The following LAMA1 variants were observed in gnomAD, a reference collection of about 807,000 sequenced individuals.
The protein encoded by LAMA1 is laminin subunit alpha 1, also known as laminin subunit alpha-1.
A neutral mutation model predicts 348.7 loss-of-function variants in LAMA1; 219 were observed. That is an observed-to-expected ratio of 0.63 (90% CI 0.56 to 0.70). The LOEUF (loss-of-function observed/expected upper bound fraction) is 0.70, where lower values mean the gene tolerates loss of function less well. Ranked by LOEUF, LAMA1 falls within the 30% of genes least tolerant of loss-of-function variation. LAMA1 has a pLI of 0.00. For synonymous variants in LAMA1, 1,487 were observed against 1,491.0 expected (o/e 1.00, Z 0.06); for missense variants, 3,744 against 3,888.0 (o/e 0.96, Z 0.99).
rs115392667 is a variant in LAMA1 at position 6,993,502 on chromosome 18, G to C, written c.5008+139C>G. 1,268 of 735,260 alleles carry C rather than the reference G, an allele frequency of 1.7e-3. 15 individuals carry two copies. In the African/African-American group the frequency reaches 0.019, roughly 11 times the overall value. The allele number at this position is 735,260 out of a possible 1,614,324, so 45.5% of individuals were successfully genotyped here. A position where few individuals can be genotyped will look rare whatever the true frequency, so the allele number is the denominator to read the frequency against. The stretch of plus-strand genomic sequence containing the variant: ...AAAGACTAAAGTTTGCACATCTCAG[G>C]ATCCCCAAACTATTCCAGCCCCTCT... On this transcript the variant is annotated intron_variant, in intron 35 of 62. Transcript: ENST00000389658.
rs538468518 is a variant in LAMA1, at chr18:6,962,193, A to G, written c.7338-134T>C. 2.5e-5 allele frequency: 18 copies of G among 716,522 alleles called. No individual in the cohort carries two copies. The East Asian group carries it at 3.9e-4, about 16-fold the overall frequency. The allele number at this position is 716,522 out of a possible 1,614,324, so 44.4% of individuals were successfully genotyped here. A position where few individuals can be genotyped will look rare whatever the true frequency, so the allele number is the denominator to read the frequency against. ...TCCCAGCACTTTGGAAGGCTGAGGTAGAAGGATTACCTAAGCCCACGAGTT... is the reference window on the plus strand; with the variant it reads ...TCCCAGCACTTTGGAAGGCTGAGGTGGAAGGATTACCTAAGCCCACGAGTT... On this transcript the variant is annotated intron_variant, in intron 51 of 62. Transcript: ENST00000389658.
intron 1 of LAMA1, among the ~76,000 whole-genome samples, chr18:7,089,262 C>A (rs939899677): frequency 2.6e-5 from 4 of 152,192 alleles, no homozygotes; most frequent in Middle Eastern, 6.8e-3. Context: ...ACCTGTAGTC[C>A]CACCTAATCG....
chr18:7,018,878 G>A (rs1364381411), intron 19 of LAMA1, among the ~76,000 whole-genome samples: 1 of 152,170 alleles, frequency 6.6e-6, no homozygotes, highest in Non-Finnish European at 1.5e-5. Context: ...GAGGAAACGT[G>A]CTGGGATCCG....
chr18:6,956,638 G>A lies in LAMA1; in HGVS notation c.8092C>T (p.Pro2698Ser). 6.2e-7 allele frequency: 1 copy of A among 1,614,048 alleles called. No homozygotes were observed. Among genetic ancestry groups the A allele is most frequent in the Non-Finnish European group, 8.5e-7 (1 of 1,180,022 alleles). The change falls in exon 56 of 63, where the codon CCA becomes TCA. Residue 2698 changes from proline (P) to serine (S), a missense_variant and splice_region_variant. Pro to Ser is a moderately conservative substitution (Grantham distance 74). This residue lies in a region of LAMA1 where 1,983 missense variants were observed against 1,934.3 expected (regional missense o/e 1.03). Transcript: ENST00000389658. ...SKLLPEPRAF[P>S]EQCVVDAALE... ...ATAGTAAAGGAAGCCGCTCCTACTG[G>A]AAAAGCCCGGGGCTCTGGCAAGAGC...
At chr18:6,998,428 T>C (rs1180044027) in intron 32 of LAMA1, among the ~76,000 whole-genome samples, 1 of 152,182 alleles carries the variant, frequency 6.6e-6, no homozygotes, top group Non-Finnish European at 1.5e-5. Context: ...CCCATCTTTA[T>C]GCTGCCTGGC....
rs1042493103 is a variant in LAMA1 at position 7,012,123 on chromosome 18, G to A, written c.3379C>T (p.Pro1127Ser). 9 of 1,613,920 alleles carry A rather than the reference G, an allele frequency of 5.6e-6. No homozygotes were observed. The highest frequency in any genetic ancestry group is 6.8e-6 in the Non-Finnish European group (8 of 1,179,940). Residue 1127 changes from proline (P) to serine (S), a missense_variant, in exon 24 of 63, where the codon CCT becomes TCT. By Grantham distance (74) the Pro-to-Ser change is moderately conservative (BLOSUM62 -1). This residue lies in a region of LAMA1 where 1,529 missense variants were observed against 1,689.4 expected (regional missense o/e 0.91). Coordinates refer to ENST00000389658, the MANE Select transcript of LAMA1 (RefSeq NM_005559.4). ...ACPCKENVFG[P>S]QCNECREGTF... ...CCCTCTCGACATTCGTTGCACTGAG[G>A]ACCAAAGACATTTTCCTACAGGGGA... is the stretch of plus-strand genomic sequence containing the variant.
chr18:6,967,664 T>A (rs942029248), intron 48 of LAMA1, among the ~76,000 whole-genome samples: 1 of 152,224 alleles, frequency 6.6e-6, no homozygotes, highest in African/African-American at 2.4e-5. Context: ...TTTCTGCCTA[T>A]GAAAAGCTGA....
chr18:7,013,470 A>G (rs1426442013), intron 23 of LAMA1, among the ~76,000 whole-genome samples: 2 of 152,304 alleles, frequency 1.3e-5, no homozygotes, highest in East Asian at 1.9e-4. Flanking sequence ...CGGGAGCCCA[A>G]TAACCTCACA....
Position 6,985,287 on chromosome 18 carries a change from T to A in LAMA1, c.5610A>T (p.Arg1870Ser). The change falls in exon 39 of 63, where the codon AGA (arginine) becomes AGT (serine). Residue 1870 changes from arginine (R) to serine (S), a missense_variant. Arg to Ser is a moderately radical substitution (Grantham distance 110, BLOSUM62 -1). Around this residue, in one of 3 missense-constraint regions of LAMA1, gnomAD observed 1,983 missense variants for 1,934.3 expected, o/e 1.03. Transcript: ENST00000389658. Reference protein sequence around the residue: ...SQRNAVDLVYRAEDHAAEFQR... With the variant: ...SQRNAVDLVYSAEDHAAEFQR... Reference sequence around the variant, plus strand: ...GGAACTCAGCGGCATGGTCCTCAGCTCTGTAGACCAGGTCGACTGCGTTCC... The same window carrying A: ...GGAACTCAGCGGCATGGTCCTCAGCACTGTAGACCAGGTCGACTGCGTTCC... The A allele has an allele frequency of 6.2e-7, 1 of 1,614,178 alleles. No homozygotes were observed. Among genetic ancestry groups the A allele is most frequent in the Non-Finnish European group, 8.5e-7 (1 of 1,180,030 alleles).
intron 16 of LAMA1, 70 bp downstream of exon 16, chr18:7,031,996 A>AT: frequency 7.6e-7 from 1 of 1,321,454 alleles, no homozygotes; most frequent in Non-Finnish European, 1.1e-6. Flanking sequence ...TTAAAAAAAA[A>AT]TCACTTGTAC....
At chr18:7,045,228 G>A (rs2058037193) in intron 6 of LAMA1, among the ~76,000 whole-genome samples, 1 of 152,156 alleles carries the variant, frequency 6.6e-6, no homozygotes, top group African/African-American at 2.4e-5. Flanking sequence ...AAGAAAATAA[G>A]AAGTAACTTC....
chr18:7,078,243 T>C lies in LAMA1; in HGVS notation c.345+1732A>G, dbSNP rs1433747069. ...GTGCAGTGGTGTGATCTCGGCTCAC[T>C]GCAACCTCTGCCTCCTGGGTTCACG... On this transcript the variant is annotated intron_variant, in intron 3 of 62. Coordinates refer to ENST00000389658, the MANE Select transcript of LAMA1 (RefSeq NM_005559.4). 1.6e-4 allele frequency among the ~76,000 whole-genome samples: 24 copies of C among 150,012 alleles called. No individual in the cohort carries two copies. In the East Asian group the frequency reaches 3.1e-3, roughly 19 times the overall value.
intron 58 of LAMA1, 144 bp downstream of exon 58, chr18:6,950,638 C>T (rs1600341404): frequency 1.1e-6 from 1 of 942,442 alleles, no homozygotes; most frequent in Non-Finnish European, 1.7e-6. Flanking sequence ...GCCTTCAAGA[C>T]TTGTAGTCTC....
At chr18:6,997,113 G>A in intron 33 of LAMA1, among the ~76,000 whole-genome samples, 1 of 152,040 alleles carries the variant, frequency 6.6e-6, no homozygotes, top group East Asian at 1.9e-4. Flanking sequence ...CGCCAGGCTG[G>A]AGTGCAGTGG....
At position 7,023,516 on chromosome 18, in the gene LAMA1, A is replaced by T. The variant is rs112866769; in HGVS notation, c.2490-141T>A. The T allele has an allele frequency of 3.7e-3, 2,755 of 748,820 alleles. 47 individuals are homozygous for T. The African/African-American group carries it at 0.039, about 11-fold the overall frequency. The allele number at this position is 748,820 out of a possible 1,614,324, so 46.4% of individuals were successfully genotyped here. On this transcript the variant is annotated intron_variant, in intron 18 of 62. Transcript: ENST00000389658. The stretch of plus-strand genomic sequence containing the variant: ...TACTGTGAAAGGGATATGACTCCCC[A>T]CTCGGGCATTCCCAGATCTCCTTCA...
intron 16 of LAMA1, among the ~76,000 whole-genome samples, chr18:7,027,544 AC>A (rs1422715930): frequency 3.4e-5 from 5 of 146,052 alleles, no homozygotes; most frequent in African/African-American, 1.4e-4. Context: ...AACAACAACA[AC>A]AACAAAAAAA....
At chr18:7,051,833 A>G (rs956262542) in intron 3 of LAMA1, among the ~76,000 whole-genome samples, 2 of 152,202 alleles carry the variant, frequency 1.3e-5, no homozygotes, top group African/African-American at 2.4e-5. Flanking sequence ...GTGTGAATGT[A>G]AAAAGGTACA....
rs117710425 is a variant in LAMA1 at position 7,082,770 on chromosome 18, C to T, written c.62-2313G>A. ...AGATTTACAGTACAATCAACTCTAT[C>T]CATTCCCTTCACAAAGACTAGTCAA... On this transcript the variant is annotated intron_variant, in intron 1 of 62. Transcript: ENST00000389658. Among the ~76,000 whole-genome samples the T allele has an allele frequency of 7.5e-3, 1,137 of 152,286 alleles. 10 individuals are homozygous for T. Among genetic ancestry groups the T allele is most frequent in the Non-Finnish European group, 0.013 (860 of 68,026 alleles).
At position 7,049,157 on chromosome 18, in the gene LAMA1, C is replaced by T. The variant is rs779481305; in HGVS notation, c.689G>A (p.Arg230His). The change falls in exon 5 of 63, where the codon CGC becomes CAC. Residue 230 changes from arginine to histidine, a missense_variant. By Grantham distance (29) the Arg-to-His change is conservative (BLOSUM62 0). Coordinates refer to ENST00000389658, the MANE Select transcript of LAMA1 (RefSeq NM_005559.4). The stretch of plus-strand genomic sequence containing the variant: ...GAGATCTGCATTGAGCGTTCTAATG[C>T]GTTGCAAGCGAAGGCGAATATATCG... ...SARYIRLRLQ[R>H]IRTLNADLMT... 8 of 1,614,032 alleles carry T rather than the reference C, an allele frequency of 5.0e-6. No homozygotes were observed. In the South Asian group the frequency reaches 7.7e-5, roughly 16 times the overall value.
Sources: allele counts gnomAD v4.1 joint callset (sites outside exome capture counted in the v4.1 genomes callset), GRCh38; gene constraint gnomAD v4.1.1; regional missense constraint gnomAD v4.1.1; transcripts MANE v1.5; gene names NCBI Gene and HGNC (gene_info 2026-07-23, HGNC 2026-07-21).